EPYC: variants seen among roughly 807,000 people sequenced by gnomAD.
EPYC encodes epiphycan, also known as dermatan sulfate proteoglycan 3.
A neutral mutation model predicts 30.1 loss-of-function variants in EPYC; 28 were observed. The observed-to-expected ratio is 0.93, with a 90% CI of 0.69 to 1.28. The LOEUF (loss-of-function observed/expected upper bound fraction) is 1.28. EPYC is among the 50% of genes most tolerant of loss of function. EPYC has a pLI of 0.00. For synonymous variants in EPYC, 144 were observed against 141.4 expected (o/e 1.02, Z -0.13); for missense variants, 382 against 383.5 (o/e 1.00, Z 0.03).
At chr12:90,977,034 A>G (rs1287744536) in intron 3 of EPYC, among the ~76,000 whole-genome samples, 1 of 152,150 alleles carries the variant, frequency 6.6e-6, no homozygotes, top group African/African-American at 2.4e-5. Flanking sequence ...CAGTATGAAA[A>G]TGGATTAATA....
At chr12:90,968,616 T>C (rs142930492) in intron 6 of EPYC, among the ~76,000 whole-genome samples, 75 of 152,302 alleles carry the variant, frequency 4.9e-4, no homozygotes, top group Non-Finnish European at 7.8e-4. Context: ...GTTGCACTTA[T>C]TGACTTTCAA....
At chr12:90,987,281 C>A (rs567833558) in intron 2 of EPYC, among the ~76,000 whole-genome samples, 6 of 152,080 alleles carry the variant, frequency 3.9e-5, no homozygotes, top group Admixed American at 2.6e-4. Context: ...CCTGAGATAA[C>A]CTCCCCTCCG....
chr12:90,979,326 T>C (rs1386601378), intron 2 of EPYC, among the ~76,000 whole-genome samples: 1 of 152,168 alleles, frequency 6.6e-6, no homozygotes, highest in African/African-American at 2.4e-5. Flanking sequence ...CACACCAATA[T>C]GGCCTTTTGC....
intron 2 of EPYC, among the ~76,000 whole-genome samples, chr12:91,000,729 A>C (rs4259884): frequency 6.6e-6 from 1 of 151,838 alleles, no homozygotes. Context: ...TTTGGGGGGA[A>C]ATGACAAATA....
At chr12:90,972,138 A>T in intron 4 of EPYC, 136 bp from the exon 5 acceptor site, 1 of 567,356 alleles carries the variant, frequency 1.8e-6, no homozygotes, top group Non-Finnish European at 3.0e-6. Context: ...TTCTTTTTAT[A>T]AAAAATTATT....
chr12:90,987,104 A>G (rs1882143), intron 2 of EPYC, among the ~76,000 whole-genome samples: 134,689 of 152,114 alleles, frequency 0.89, 59,641 homozygotes, highest in South Asian at 0.95. Context: ...CAGAGCAGGA[A>G]TATCACCATC....
chr12:90,972,109 G>T, intron 4 of EPYC, 107 bp from the exon 5 acceptor site: 1 of 611,522 alleles, frequency 1.6e-6, no homozygotes, highest in Non-Finnish European at 2.7e-6. Context: ...GCAATGCACA[G>T]TTAATGAGAT....
chr12:90,966,959 T>G (rs1214174246), intron 6 of EPYC, among the ~76,000 whole-genome samples: 1 of 152,134 alleles, frequency 6.6e-6, no homozygotes, highest in African/African-American at 2.4e-5. Flanking sequence ...GTAAGTTTGG[T>G]AGTAATGTCC....
At chr12:90,986,127 G>A (rs550087556) in intron 2 of EPYC, among the ~76,000 whole-genome samples, 72 of 152,062 alleles carry the variant, frequency 4.7e-4, no homozygotes, top group African/African-American at 1.7e-3. Context: ...ATGAATATGG[G>A]GAACAAGTTA....
chr12:90,992,710 G>T (rs908979202), intron 2 of EPYC, among the ~76,000 whole-genome samples: 1 of 152,238 alleles, frequency 6.6e-6, no homozygotes, highest in Non-Finnish European at 1.5e-5. Context: ...TCTGAGAGAA[G>T]GAACATTATA....
rs1364898364 is a variant in EPYC, at chr12:90,977,574, G to GT, written c.340+513dup. 2.6e-5 allele frequency among the ~76,000 whole-genome samples: 4 copies of GT among 152,138 alleles called. No individual in the cohort carries two copies. The East Asian group carries it at 7.7e-4, about 29-fold the overall frequency. On this transcript the variant is annotated intron_variant, in intron 3 of 6. Coordinates refer to ENST00000261172, the MANE Select transcript of EPYC (RefSeq NM_004950.5). ...AAGTTACTATCCCCTTTGAATTATGGTTTTCTCCATGATAATGAGAAGAGT... is the reference window on the plus strand; with the variant it reads ...AAGTTACTATCCCCTTTGAATTATGGTTTTTCTCCATGATAATGAGAAGAGT...
chr12:90,967,754 C>G (rs531177079), intron 6 of EPYC, among the ~76,000 whole-genome samples: 2 of 152,270 alleles, frequency 1.3e-5, no homozygotes, highest in South Asian at 4.1e-4. Context: ...AGGAGGATCA[C>G]TTGAGGCCAG....
intron 6 of EPYC, among the ~76,000 whole-genome samples, chr12:90,965,945 A>G (rs1876884263): frequency 6.6e-6 from 1 of 151,948 alleles, no homozygotes; most frequent in Non-Finnish European, 1.5e-5. Flanking sequence ...GTGTATAGAT[A>G]TCCTGCATAC....
chr12:90,990,637 T>C (rs941393515), intron 2 of EPYC, among the ~76,000 whole-genome samples: 2 of 152,116 alleles, frequency 1.3e-5, no homozygotes, highest in Non-Finnish European at 2.9e-5. Context: ...TAGTCCCACT[T>C]GGGAAGCTAA....
rs781295115 is a variant in EPYC at position 90,973,026 on chromosome 12, T to C, written c.341-46A>G. Reference sequence around the variant, plus strand: ...AAATTAAATGTAAGTACCAAATCAATTTCTAAGAAATAATGTGGAATGTTT... The same window carrying C: ...AAATTAAATGTAAGTACCAAATCAACTTCTAAGAAATAATGTGGAATGTTT... On this transcript the variant is annotated intron_variant, in intron 3 of 6. Coordinates refer to ENST00000261172, the MANE Select transcript of EPYC (RefSeq NM_004950.5). 2.2e-6 allele frequency: 3 copies of C among 1,337,554 alleles called. No individual in the cohort carries two copies. The South Asian group carries it at 4.1e-5, about 18-fold the overall frequency. The allele number at this position is 1,337,554 out of a possible 1,614,324, so 82.9% of individuals were successfully genotyped here.
chr12:90,999,675 C>T (rs550813376), intron 2 of EPYC, among the ~76,000 whole-genome samples: 21 of 152,012 alleles, frequency 1.4e-4, no homozygotes, highest in Non-Finnish European at 2.2e-4. Flanking sequence ...ATGCTTACCA[C>T]GAGTCACTGA....
intron 2 of EPYC, among the ~76,000 whole-genome samples, chr12:90,987,800 C>T (rs1298208715): frequency 6.6e-6 from 1 of 152,080 alleles, no homozygotes; most frequent in Non-Finnish European, 1.5e-5. Context: ...AATGGTGCTT[C>T]CTAGATGTGT....
At chr12:91,004,026 T>C (rs1394882329) in intron 1 of EPYC, among the ~76,000 whole-genome samples, 1 of 152,114 alleles carries the variant, frequency 6.6e-6, no homozygotes, top group African/African-American at 2.4e-5. Context: ...CAGAAGTCTT[T>C]GCAGGATTGC....
chr12:91,001,765 G>T (rs1030710523), intron 2 of EPYC, among the ~76,000 whole-genome samples: 5 of 151,900 alleles, frequency 3.3e-5, no homozygotes, highest in South Asian at 2.1e-4. Context: ...ACATCATTGC[G>T]TGCATACCAT....
Sources: allele counts gnomAD v4.1 joint callset (sites outside exome capture counted in the v4.1 genomes callset), GRCh38; gene constraint gnomAD v4.1.1; transcripts MANE v1.5; gene names NCBI Gene and HGNC (gene_info 2026-07-23, HGNC 2026-07-21).